Variants in CCDC169 observed in about 807,000 individuals in gnomAD.
The protein encoded by CCDC169 is coiled-coil domain-containing protein 169.
In CCDC169, 30 loss-of-function variants were observed where a neutral mutation model predicts 36.0. The observed-to-expected ratio is 0.83, with a 90% CI of 0.62 to 1.13. The LOEUF is 1.13. CCDC169 is among the 50% of genes most tolerant of loss of function. CCDC169 has a pLI of 0.00. For synonymous variants in CCDC169, 85 were observed against 81.5 expected (o/e 1.04, Z -0.23); for missense variants, 245 against 245.9 (o/e 1.00, Z 0.03).
intron 6 of CCDC169, among the ~76,000 whole-genome samples, chr13:36,249,321 T>C (rs1872865063): frequency 6.6e-6 from 1 of 152,130 alleles, no homozygotes; most frequent in African/African-American, 2.4e-5. Context: ...GGCCATCATT[T>C]AAACAATAAG....
In CCDC169 at chr13:36,274,868, A is replaced by ATTTTTTT. The variant is rs3083971; in HGVS notation, c.315+8594_315+8600dup. Among the ~76,000 whole-genome samples, 54 of 118,472 alleles carry ATTTTTTT rather than the reference A, an allele frequency of 4.6e-4. 1 individual carries two copies. The East Asian group carries it at 9.4e-3, about 21-fold the overall frequency. The allele number at this position is 118,472 out of a possible 152,430, so 77.7% of individuals were successfully genotyped here. A position where few individuals can be genotyped will look rare whatever the true frequency, so the allele number is the denominator to read the frequency against. On this transcript the variant is annotated intron_variant, in intron 4 of 7. Coordinates refer to ENST00000239859, the MANE Select transcript of CCDC169 (RefSeq NM_001144981.3). The stretch of plus-strand genomic sequence containing the variant: ...GCAGAGAGAAAATTCCATTAGCTGC[A>ATTTTTTT]TTTTTTTTTTTTTTTTTTTTGAGAC...
chr13:36,274,786 C>T (rs958028516), intron 4 of CCDC169, among the ~76,000 whole-genome samples: 3 of 151,406 alleles, frequency 2.0e-5, no homozygotes, highest in Admixed American at 6.6e-5. Context: ...ATACTGTTTA[C>T]ACACCTGAAA....
downstream of CCDC169, chr13:36,224,605 T>C (rs1051728870): frequency 6.6e-6 from 1 of 152,160 alleles, no homozygotes; most frequent in African/African-American, 2.4e-5. Flanking sequence ...AAGATCTCTA[T>C]AAGGAGAACT....
chr13:36,264,868 G>C (rs1036439598), intron 4 of CCDC169, among the ~76,000 whole-genome samples: 4 of 152,168 alleles, frequency 2.6e-5, no homozygotes, highest in African/African-American at 7.2e-5. Context: ...GAATCTAATA[G>C]GGGATTCAGA....
At chr13:36,257,490 G>C (rs2090365421) in intron 4 of CCDC169, among the ~76,000 whole-genome samples, 1 of 79,344 alleles carries the variant, frequency 1.3e-5, no homozygotes, top group Admixed American at 1.5e-4. Flanking sequence ...CAGATCACGA[G>C]GTCAAGAGAT....
chr13:36,292,952 G>C (rs149413492), intron 2 of CCDC169, among the ~76,000 whole-genome samples: 4 of 152,246 alleles, frequency 2.6e-5, no homozygotes, highest in Admixed American at 2.6e-4. Flanking sequence ...AAACAAGAGG[G>C]AAGAGGATGT....
intron 4 of CCDC169, among the ~76,000 whole-genome samples, chr13:36,276,566 T>C (rs553183625): frequency 6.6e-6 from 1 of 152,322 alleles, no homozygotes; most frequent in South Asian, 2.1e-4. Context: ...ACAGGATCCA[T>C]CTGACTGACT....
At chr13:36,281,208 T>C in intron 4 of CCDC169, 1 of 428,702 alleles carries the variant, frequency 2.3e-6, no homozygotes, top group Admixed American at 2.7e-5. Context: ...CCTGGATTCC[T>C]GAAGGCATTA....
intron 2 of CCDC169, among the ~76,000 whole-genome samples, chr13:36,286,289 G>A (rs1878245106): frequency 6.6e-6 from 1 of 152,214 alleles, no homozygotes; most frequent in Non-Finnish European, 1.5e-5. Flanking sequence ...GACCTCTGGA[G>A]AAGCTGAGAA....
At chr13:36,240,457 GTTA>G (rs1443359049) in intron 7 of CCDC169, 1 of 308,034 alleles carries the variant, frequency 3.2e-6, no homozygotes, top group Non-Finnish European at 5.8e-6. Flanking sequence ...TATCAACAGA[GTTA>G]TTGACTTACT....
At chr13:36,287,012 T>G (rs1878335512) in intron 2 of CCDC169, among the ~76,000 whole-genome samples, 1 of 152,188 alleles carries the variant, frequency 6.6e-6, no homozygotes, top group African/African-American at 2.4e-5. Context: ...TCCTGGCCCC[T>G]GATTTTGTCA....
chr13:36,275,396 A>C (rs1876669683), intron 4 of CCDC169, among the ~76,000 whole-genome samples: 1 of 152,092 alleles, frequency 6.6e-6, no homozygotes, highest in Non-Finnish European at 1.5e-5. Context: ...CTGTTACTAG[A>C]TTTGCATATA....
intron 4 of CCDC169, among the ~76,000 whole-genome samples, chr13:36,268,212 T>C (rs1875581842): frequency 6.6e-6 from 1 of 152,172 alleles, no homozygotes; most frequent in Non-Finnish European, 1.5e-5. Flanking sequence ...AGACAGACCA[T>C]ATGATAGGCC....
intron 2 of CCDC169, among the ~76,000 whole-genome samples, 177 bp from the exon 3 acceptor site, chr13:36,283,879 C>T (rs3818459): frequency 0.23 from 34,701 of 152,030 alleles, 4,073 homozygotes; most frequent in East Asian, 0.34. Flanking sequence ...ATTTTCCAGA[C>T]TGCAAGAATT....
intron 4 of CCDC169, among the ~76,000 whole-genome samples, chr13:36,258,745 A>G (rs1594038776): frequency 8.1e-6 from 1 of 123,854 alleles, no homozygotes; most frequent in Non-Finnish European, 1.9e-5. Flanking sequence ...GCCAACCAGC[A>G]CCCCGGGGGC....
At chr13:36,226,195 A>G (rs1296320612), downstream of CCDC169, 2 of 152,222 alleles carry the variant, frequency 1.3e-5, no homozygotes, top group African/African-American at 4.8e-5. Flanking sequence ...GGTGCCCATC[A>G]ACAGTGGACT....
chr13:36,227,144 G>T, downstream of CCDC169: 1 of 1,141,346 alleles, frequency 8.8e-7, no homozygotes, highest in Non-Finnish European at 1.2e-6. Flanking sequence ...GAGGCTTAAA[G>T]AAATACATGT....
chr13:36,294,294 A>C (rs950876071), intron 2 of CCDC169, among the ~76,000 whole-genome samples: 9 of 152,192 alleles, frequency 5.9e-5, no homozygotes, highest in Non-Finnish European at 1.0e-4. Context: ...ACCTGTGAGC[A>C]TGCCTTCTGT....
chr13:36,285,622 CATAG>C (rs374669787), intron 2 of CCDC169, among the ~76,000 whole-genome samples: 2 of 19,280 alleles, frequency 1.0e-4, no homozygotes, highest in South Asian at 1.3e-3. Context: ...TAGATAGATA[CATAG>C]ATACATAGAT....
Sources: allele counts gnomAD v4.1 joint callset (sites outside exome capture counted in the v4.1 genomes callset), GRCh38; gene constraint gnomAD v4.1.1; transcripts MANE v1.5; gene names NCBI Gene and HGNC (gene_info 2026-07-23, HGNC 2026-07-21).